Variants in PRKG1 observed in about 807,000 individuals in gnomAD.
PRKG1 encodes the protein cGMP-dependent protein kinase 1.
In PRKG1, 35 loss-of-function variants were observed where a neutral mutation model predicts 88.1. That is an observed-to-expected ratio of 0.40 (90% CI 0.30 to 0.53). The LOEUF is 0.53. Among genes scored for constraint, PRKG1 ranks in the 20% least tolerant of loss-of-function variants. The probability of loss-of-function intolerance (pLI) is 0.59; values close to 1 mark genes in which losing one functional copy is unlikely to be tolerated. For missense variants in PRKG1, 540 were observed against 839.8 expected (o/e 0.64, Z 4.41); for synonymous variants, 303 against 292.5 (o/e 1.04, Z -0.37).
intron 4 of PRKG1, among the ~76,000 whole-genome samples, chr10:51,807,084 C>G (rs1839327107): frequency 6.6e-6 from 1 of 152,136 alleles, no homozygotes; most frequent in South Asian, 2.1e-4. Flanking sequence ...ATTTCTACTT[C>G]TAGACTATAA....
chr10:51,747,786 G>A lies in PRKG1; in HGVS notation c.593-56799G>A, dbSNP rs116212403. 5.6e-3 allele frequency among the ~76,000 whole-genome samples: 859 copies of A among 152,090 alleles called. 11 individuals are homozygous for A. The highest frequency in any genetic ancestry group is 0.019 in the African/African-American group (806 of 41,476). On this transcript the variant is annotated intron_variant, in intron 3 of 17. Coordinates refer to ENST00000373980, the MANE Select transcript of PRKG1 (RefSeq NM_006258.4). ...AGGACTTTTTTTTGGAGAGGGGCAC[G>A]AGGGTTAGGGTCTCACTTTGTCACC...
At chr10:51,252,454 A>G (rs1355653873) in intron 2 of PRKG1, among the ~76,000 whole-genome samples, 1 of 151,814 alleles carries the variant, frequency 6.6e-6, no homozygotes, top group Non-Finnish European at 1.5e-5. Context: ...ACTTTATCAA[A>G]TTCTTCAGAA....
intron 4 of PRKG1, among the ~76,000 whole-genome samples, chr10:51,896,524 A>G (rs1841850190): frequency 6.7e-6 from 1 of 150,140 alleles, no homozygotes; most frequent in Non-Finnish European, 1.5e-5. Context: ...GCCTGGGTTC[A>G]TAGTGAGACC....
intron 2 of PRKG1, among the ~76,000 whole-genome samples, chr10:51,310,496 G>A (rs1458995654): frequency 6.6e-6 from 1 of 152,196 alleles, no homozygotes; most frequent in Admixed American, 6.5e-5. Flanking sequence ...GGAGGAATGT[G>A]TCCTGGCTGG....
chr10:51,508,264 A>C (rs545583191), intron 3 of PRKG1, among the ~76,000 whole-genome samples: 1 of 152,202 alleles, frequency 6.6e-6, no homozygotes, highest in Non-Finnish European at 1.5e-5. Flanking sequence ...TGCAATTGCC[A>C]CACAATATAC....
chr10:51,520,854 T>C (rs1323036131), intron 3 of PRKG1, among the ~76,000 whole-genome samples: 1 of 152,226 alleles, frequency 6.6e-6, no homozygotes, highest in Non-Finnish European at 1.5e-5. Context: ...TACTTGGATG[T>C]ATTACTTATG....
chr10:51,074,150 G>C (rs1843883540), upstream of PRKG1, among the ~76,000 whole-genome samples: 1 of 126,610 alleles, frequency 7.9e-6, no homozygotes, highest in African/African-American at 3.0e-5. Flanking sequence ...GGCGCGCCTC[G>C]GAGGCTTATC....
intron 5 of PRKG1, among the ~76,000 whole-genome samples, chr10:51,973,655 G>A (rs1017164288): frequency 3.9e-5 from 6 of 152,096 alleles, no homozygotes; most frequent in Non-Finnish European, 7.4e-5. Context: ...CATCTTCAAT[G>A]ACTTTATTTT....
chr10:51,802,696 T>A (rs1349050969), intron 3 of PRKG1, among the ~76,000 whole-genome samples: 2 of 152,026 alleles, frequency 1.3e-5, no homozygotes, highest in Non-Finnish European at 2.9e-5. Context: ...TAAGGAAACA[T>A]GATACAGACC....
intron 1 of PRKG1, 135 bp downstream of exon 1, chr10:51,075,036 G>A: frequency 1.5e-6 from 2 of 1,292,206 alleles, no homozygotes; most frequent in Non-Finnish European, 2.1e-6. Flanking sequence ...TCATTTTAAC[G>A]GGCACTTCTT....
intron 4 of PRKG1, among the ~76,000 whole-genome samples, chr10:51,824,429 T>C (rs1589323502): frequency 6.6e-6 from 1 of 152,188 alleles, no homozygotes; most frequent in South Asian, 2.1e-4. Flanking sequence ...TTTATTTAAG[T>C]TTTTATATTG....
intron 1 of PRKG1, among the ~76,000 whole-genome samples, chr10:51,004,183 G>A (rs1402489940): frequency 6.6e-6 from 1 of 152,040 alleles, no homozygotes; most frequent in Non-Finnish European, 1.5e-5. Flanking sequence ...ATGTATACTG[G>A]CCGGGCACGG....
At chr10:51,601,602 G>A (rs189022512) in intron 3 of PRKG1, among the ~76,000 whole-genome samples, 18 of 151,870 alleles carry the variant, frequency 1.2e-4, no homozygotes, top group African/African-American at 4.3e-4. Flanking sequence ...TTTGAAAAAA[G>A]CCAAATCAAA....
At chr10:51,919,438 T>C (rs1842414771) in intron 5 of PRKG1, among the ~76,000 whole-genome samples, 1 of 152,168 alleles carries the variant, frequency 6.6e-6, no homozygotes, top group Non-Finnish European at 1.5e-5. Flanking sequence ...AGAGCTACCA[T>C]TCTTTTTTAT....
At chr10:52,022,700 AAG>A (rs558161757) in intron 5 of PRKG1, among the ~76,000 whole-genome samples, 79 of 152,320 alleles carry the variant, frequency 5.2e-4, no homozygotes, top group Non-Finnish European at 9.4e-4. Context: ...AAATTAGAAA[AAG>A]AATAATAATC....
At chr10:51,477,039 C>T (rs1024629557) in intron 3 of PRKG1, among the ~76,000 whole-genome samples, 2 of 151,930 alleles carry the variant, frequency 1.3e-5, no homozygotes, top group Non-Finnish European at 2.9e-5. Context: ...AGGTCACACA[C>T]CTGGATTTCT....
At chr10:52,282,379 T>C in intron 14 of PRKG1, 63 bp downstream of exon 14, 1 of 1,430,882 alleles carries the variant, frequency 7.0e-7, no homozygotes, top group East Asian at 2.3e-5. Context: ...ACACTCCTGC[T>C]TTTGTCACTT....
intron 3 of PRKG1, among the ~76,000 whole-genome samples, chr10:51,752,276 C>T (rs894330494): frequency 2.6e-5 from 4 of 152,288 alleles, no homozygotes; most frequent in Non-Finnish European, 5.9e-5. Context: ...TCATTCTTTA[C>T]ATCAGTGTTT....
intron 5 of PRKG1, among the ~76,000 whole-genome samples, chr10:51,963,814 T>C (rs536411875): frequency 6.6e-6 from 1 of 152,288 alleles, no homozygotes; most frequent in African/African-American, 2.4e-5. Context: ...CACTGTCCCT[T>C]CTGGCAAAAG....
Sources: allele counts gnomAD v4.1 joint callset (sites outside exome capture counted in the v4.1 genomes callset), GRCh38; gene constraint gnomAD v4.1.1; transcripts MANE v1.5; gene names NCBI Gene and HGNC (gene_info 2026-07-23, HGNC 2026-07-21).